Variants in CPHXL2 observed in about 807,000 individuals in gnomAD.
The protein encoded by CPHXL2 is cytoplasmic polyadenylated homeobox-like protein 2.
the CPHXL2 span, among the ~76,000 whole-genome samples, chr16:75,670,247 A>G: frequency 6.6e-6 from 1 of 152,158 alleles, no homozygotes; most frequent in Admixed American, 6.5e-5. Context: ...CTAATTGCAG[A>G]AGAATATTTT....
At chr16:75,666,604 A>C in the CPHXL2 span, among the ~76,000 whole-genome samples, 1 of 125,634 alleles carries the variant, frequency 8.0e-6, no homozygotes, top group East Asian at 2.3e-4. Context: ...GTGAAACTCT[A>C]TCTCAAAAAA....
At chr16:75,664,782 A>G in the CPHXL2 span, among the ~76,000 whole-genome samples, 1 of 152,142 alleles carries the variant, frequency 6.6e-6, no homozygotes, top group South Asian at 2.1e-4. Context: ...TTAATGGATT[A>G]ATGGGTTATC....
At chr16:75,671,751 G>A in the CPHXL2 span, among the ~76,000 whole-genome samples, 2 of 152,142 alleles carry the variant, frequency 1.3e-5, no homozygotes, top group Admixed American at 6.5e-5. Context: ...TGATGCAAAA[G>A]CCCCGAGCCC....
At chr16:75,673,589 C>T in the CPHXL2 span, among the ~76,000 whole-genome samples, 1 of 152,118 alleles carries the variant, frequency 6.6e-6, no homozygotes, top group Non-Finnish European at 1.5e-5. Context: ...ACACCTAGGG[C>T]CTAAACTATA....
the CPHXL2 span, chr16:75,669,600 G>GT: frequency 2.5e-6 from 1 of 398,354 alleles, no homozygotes; most frequent in Non-Finnish European, 4.4e-6. Flanking sequence ...GAGAATATTG[G>GT]TAATAACCAG....
At chr16:75,674,522 C>T in the CPHXL2 span, among the ~76,000 whole-genome samples, 7 of 151,928 alleles carry the variant, frequency 4.6e-5, no homozygotes, top group Non-Finnish European at 8.8e-5. Flanking sequence ...TCAAGTTGAT[C>T]CACAGATACA....
At chr16:75,664,997 T>C in the CPHXL2 span, among the ~76,000 whole-genome samples, 8 of 152,322 alleles carry the variant, frequency 5.3e-5, no homozygotes, top group Admixed American at 3.3e-4. Flanking sequence ...ATTTCAGATA[T>C]TCTGTTCTAA....
At chr16:75,665,266 A>G in the CPHXL2 span, among the ~76,000 whole-genome samples, 8 of 152,352 alleles carry the variant, frequency 5.3e-5, no homozygotes, top group East Asian at 5.8e-4. Context: ...AGGAAAACCT[A>G]TCAGATTAAC....
At chr16:75,661,859 C>T in the CPHXL2 span, among the ~76,000 whole-genome samples, 4 of 152,162 alleles carry the variant, frequency 2.6e-5, no homozygotes, top group Non-Finnish European at 5.9e-5. Context: ...TCTCATACCA[C>T]AACAGTCACA....
chr16:75,663,719 T>TA, the CPHXL2 span, among the ~76,000 whole-genome samples: 6 of 150,902 alleles, frequency 4.0e-5, no homozygotes, highest in South Asian at 2.1e-4. Context: ...CTGTCTCTAC[T>TA]AAAAAAAATA....
chr16:75,671,537 T>G, the CPHXL2 span, among the ~76,000 whole-genome samples: 1 of 152,160 alleles, frequency 6.6e-6, no homozygotes, highest in South Asian at 2.1e-4. Context: ...CATACTAGAC[T>G]GGAAGCCCCA....
the CPHXL2 span, among the ~76,000 whole-genome samples, chr16:75,664,384 T>C: frequency 6.6e-6 from 1 of 152,018 alleles, no homozygotes; most frequent in Non-Finnish European, 1.5e-5. Context: ...CCAGCACTTT[T>C]GGAGGCCGAG....
the CPHXL2 span, among the ~76,000 whole-genome samples, chr16:75,667,078 G>A: frequency 6.6e-6 from 1 of 152,118 alleles, no homozygotes; most frequent in Non-Finnish European, 1.5e-5. Context: ...TTGGGAGGCT[G>A]AGGCGGGCAG....
chr16:75,671,999 C>T, the CPHXL2 span, among the ~76,000 whole-genome samples: 262 of 151,902 alleles, frequency 1.7e-3, 3 homozygotes, highest in African/African-American at 6.0e-3. Context: ...CTAACGGGTG[C>T]GATGGCTCAC....
At chr16:75,662,799 T>A in the CPHXL2 span, among the ~76,000 whole-genome samples, 30 of 139,908 alleles carry the variant, frequency 2.1e-4, no homozygotes, top group African/African-American at 7.8e-4. Flanking sequence ...GATAATTCTT[T>A]TTTTTTTTTT....
chr16:75,664,399 G>A, the CPHXL2 span, among the ~76,000 whole-genome samples: 1 of 152,130 alleles, frequency 6.6e-6, no homozygotes, highest in Non-Finnish European at 1.5e-5. Flanking sequence ...GCCGAGGTGG[G>A]CAGATCACCT....
the CPHXL2 span, among the ~76,000 whole-genome samples, chr16:75,661,990 A>G: frequency 6.6e-6 from 1 of 152,214 alleles, no homozygotes; most frequent in Non-Finnish European, 1.5e-5. Context: ...AAACACTGTC[A>G]GATCCCACAG....
chr16:75,671,994 G>A, the CPHXL2 span, among the ~76,000 whole-genome samples: 74 of 152,042 alleles, frequency 4.9e-4, no homozygotes, highest in African/African-American at 1.6e-3. Context: ...TTAATCTAAC[G>A]GGTGCGATGG....
chr16:75,664,625 C>CAAAA, the CPHXL2 span, among the ~76,000 whole-genome samples: 8 of 113,050 alleles, frequency 7.1e-5, no homozygotes, highest in African/African-American at 2.5e-4. Flanking sequence ...AACTCCATCT[C>CAAAA]AAAAAAAAAA....
Sources: gnomAD v4.1 joint callset for allele counts (sites outside exome capture counted in the v4.1 genomes callset) on GRCh38, gnomAD v4.1.1 for gene constraint, MANE v1.5 for transcripts, NCBI Gene and HGNC (gene_info 2026-07-23, HGNC 2026-07-21) for gene names.